Variants in SOX13 observed in about 807,000 individuals in gnomAD.
SOX13 encodes the protein SRY-box transcription factor 13, also known as transcription factor SOX-13.
In SOX13, 28 loss-of-function variants were observed where a neutral mutation model predicts 71.8. The observed-to-expected ratio is 0.39, with a 90% CI of 0.29 to 0.53. The LOEUF (loss-of-function observed/expected upper bound fraction) is 0.53. SOX13 is among the 20% of genes least tolerant of loss of function. The pLI, the probability that SOX13 is intolerant of heterozygous loss-of-function variation, is 0.70. For missense variants in SOX13, 627 were observed against 810.3 expected (o/e 0.77, Z 2.75); for synonymous variants, 309 against 317.8 (o/e 0.97, Z 0.29).
At chr1:204,111,627 C>T (rs1429992207) in intron 1 of SOX13, among the ~76,000 whole-genome samples, 1 of 152,148 alleles carries the variant, frequency 6.6e-6, no homozygotes, top group Non-Finnish European at 1.5e-5. Flanking sequence ...CTATGGTGGC[C>T]AGACTCTGAG....
Position 204,073,876 on chromosome 1 carries a change from C to A in SOX13, c.-2+165C>A, listed in dbSNP as rs919796050. The stretch of plus-strand genomic sequence containing the variant: ...CGAGGAGAGACGGACCCTCACCTAC[C>A]CCCAACAACGCTGGGCAGTGGCGGC... On this transcript the variant is annotated intron_variant, in intron 1 of 13. Coordinates refer to ENST00000367204, the MANE Select transcript of SOX13 (RefSeq NM_005686.3). The surrounding 1 kb of genome is among the most constrained non-coding windows in gnomAD (Gnocchi z 6.8). 6.6e-6 allele frequency: 1 copy of A among 152,544 alleles called. No homozygotes were observed. The highest frequency in any genetic ancestry group is 1.5e-5 in the Non-Finnish European group (1 of 68,332). The allele number at this position is 152,544 out of a possible 1,614,324, so 9.4% of individuals were successfully genotyped here.
intron 1 of SOX13, among the ~76,000 whole-genome samples, chr1:204,102,771 C>T (rs1462450735): frequency 2.0e-5 from 3 of 151,960 alleles, no homozygotes; most frequent in Non-Finnish European, 4.4e-5. Flanking sequence ...TCTTCTCTAT[C>T]TCTATGGGGT....
chr1:204,110,902 C>CA (rs35786896), intron 1 of SOX13, among the ~76,000 whole-genome samples: 9,505 of 138,774 alleles, frequency 0.068, 344 homozygotes, highest in Middle Eastern at 0.16. Context: ...AATCCCCATG[C>CA]AAAAAAAAAA....
chr1:204,102,510 G>A (rs908771845), intron 1 of SOX13, among the ~76,000 whole-genome samples: 3 of 152,056 alleles, frequency 2.0e-5, no homozygotes, highest in African/African-American at 7.2e-5. Flanking sequence ...TAGCCTTTCC[G>A]CCTGTTTGCA....
At chr1:204,084,902 G>C (rs967612175) in intron 1 of SOX13, among the ~76,000 whole-genome samples, 2 of 152,314 alleles carry the variant, frequency 1.3e-5, no homozygotes, top group African/African-American at 4.8e-5. Flanking sequence ...TGAGGTCTCT[G>C]TGTGTTTCAG....
At chr1:204,082,762 AGG>A in intron 1 of SOX13, among the ~76,000 whole-genome samples, 1 of 152,204 alleles carries the variant, frequency 6.6e-6, no homozygotes, top group Non-Finnish European at 1.5e-5. Context: ...GAATAGAGAA[AGG>A]GGACCTGTGT....
At chr1:204,077,217 G>A (rs1655802664) in intron 1 of SOX13, among the ~76,000 whole-genome samples, 1 of 152,222 alleles carries the variant, frequency 6.6e-6, no homozygotes, top group South Asian at 2.1e-4. Flanking sequence ...CAGCTATGTG[G>A]CTGGAGAGGA....
chr1:204,114,366 C>A lies in SOX13; in HGVS notation c.265C>A (p.Pro89Thr). 2 of 1,611,922 alleles carry A rather than the reference C, an allele frequency of 1.2e-6. No homozygotes were observed. Among genetic ancestry groups the A allele is most frequent in the Non-Finnish European group, 1.7e-6 (2 of 1,179,032 alleles). The change falls in exon 3 of 14, where the codon CCA (proline) becomes ACA (threonine). Residue 89 changes from proline (P) to threonine (T), a missense_variant. Coordinates refer to ENST00000367204, the MANE Select transcript of SOX13 (RefSeq NM_005686.3). The stretch of plus-strand genomic sequence containing the variant: ...TAATGGGTCCCCAGAACCCAAGAGA[C>A]CAGGAGTGTCGGAGGCTGCCTCTGG... Reference protein sequence around the residue: ...EGNGSPEPKRPGVSEAASGSQ... With the variant: ...EGNGSPEPKRTGVSEAASGSQ...
chr1:204,096,866 T>A (rs1397554042), intron 1 of SOX13, among the ~76,000 whole-genome samples: 5 of 47,268 alleles, frequency 1.1e-4, no homozygotes, highest in Non-Finnish European at 1.9e-4. Context: ...CTTCTCTTTT[T>A]CTTCTTCTTT....
intron 1 of SOX13, among the ~76,000 whole-genome samples, chr1:204,090,232 C>T (rs1048756439): frequency 3.3e-5 from 5 of 151,948 alleles, no homozygotes; most frequent in Non-Finnish European, 5.9e-5. Context: ...GTTGGGCAGT[C>T]GGGGAGAGAG....
chr1:204,074,963 G>GT lies in SOX13; in HGVS notation c.-2+1253dup, dbSNP rs551420531. On this transcript the variant is annotated intron_variant, in intron 1 of 13. Transcript: ENST00000367204. ...GGCGCTGGCGCTGGCGCTGGCGCTGGTGAAGGGGTCTGGCCAAAGACGGCC... is the reference window on the plus strand; with the variant it reads ...GGCGCTGGCGCTGGCGCTGGCGCTGGTTGAAGGGGTCTGGCCAAAGACGGCC... 1.4e-4 allele frequency among the ~76,000 whole-genome samples: 21 copies of GT among 152,340 alleles called. No homozygotes were observed. The South Asian group carries it at 4.3e-3, about 32-fold the overall frequency.
intron 1 of SOX13, among the ~76,000 whole-genome samples, chr1:204,086,307 A>T (rs551368833): frequency 1.8e-4 from 27 of 152,096 alleles, no homozygotes; most frequent in East Asian, 1.2e-3. Context: ...TTTTTAAAAA[A>T]TTTTTTTTGT....
chr1:204,085,874 G>C (rs1205839191), intron 1 of SOX13, among the ~76,000 whole-genome samples: 1 of 151,848 alleles, frequency 6.6e-6, no homozygotes, highest in Non-Finnish European at 1.5e-5. Context: ...CAGCTACTCG[G>C]GAGGCTGAGG....
chr1:204,110,785 C>T lies in SOX13; in HGVS notation c.-1-2130C>T, dbSNP rs114606727. On this transcript the variant is annotated intron_variant, in intron 1 of 13. Coordinates refer to ENST00000367204, the MANE Select transcript of SOX13 (RefSeq NM_005686.3). The stretch of plus-strand genomic sequence containing the variant: ...CAAATGCATCCATACAGAGCTGATG[C>T]AGTATTTAAATACCATACTGCACCT... 5.0e-3 allele frequency among the ~76,000 whole-genome samples: 754 copies of T among 151,972 alleles called. 8 individuals carry two copies. Among genetic ancestry groups the T allele is most frequent in the African/African-American group, 0.017 (716 of 41,406 alleles).
intron 1 of SOX13, among the ~76,000 whole-genome samples, chr1:204,107,147 C>T (rs1329630057): frequency 1.3e-5 from 2 of 152,186 alleles, no homozygotes; most frequent in Admixed American, 6.5e-5. Context: ...TAGATATTCA[C>T]CCTGTATTAT....
intron 1 of SOX13, among the ~76,000 whole-genome samples, chr1:204,102,469 C>T (rs1418804615): frequency 3.9e-5 from 6 of 152,152 alleles, no homozygotes; most frequent in African/African-American, 1.2e-4. Flanking sequence ...AGCGGTGGCG[C>T]TGCGAATGTG....
At chr1:204,098,014 A>T (rs1656288378) in intron 1 of SOX13, among the ~76,000 whole-genome samples, 1 of 151,958 alleles carries the variant, frequency 6.6e-6, no homozygotes, top group African/African-American at 2.4e-5. Flanking sequence ...GTGTGCCACC[A>T]CACCTGGCTA....
chr1:204,097,114 C>T (rs887661722), intron 1 of SOX13, among the ~76,000 whole-genome samples: 3 of 152,144 alleles, frequency 2.0e-5, no homozygotes, highest in Non-Finnish European at 2.9e-5. Context: ...TGTTAGGGGC[C>T]CTGCCTTCCC....
intron 1 of SOX13, among the ~76,000 whole-genome samples, chr1:204,089,425 TTC>T (rs1201992838): frequency 1.3e-5 from 2 of 152,142 alleles, no homozygotes; most frequent in Admixed American, 6.5e-5. Flanking sequence ...GGGTCCAGAT[TTC>T]TCTCTGTGAA....
Sources: gnomAD v4.1 joint callset for allele counts (sites outside exome capture counted in the v4.1 genomes callset) on GRCh38, gnomAD v4.1.1 for gene constraint, Gnocchi (gnomAD v3.1) non-coding constraint, MANE v1.5 for transcripts, NCBI Gene and HGNC (gene_info 2026-07-23, HGNC 2026-07-21) for gene names.